The following CA12 variants were observed in gnomAD, a reference collection of about 807,000 sequenced individuals.
The protein encoded by CA12 is carbonic anhydrase 12.
A neutral mutation model predicts 46.8 loss-of-function variants in CA12; 36 were observed. That is an observed-to-expected ratio of 0.77 (90% confidence interval 0.59 to 1.02). The LOEUF is 1.02. Ranked by LOEUF, CA12 falls within the 50% of genes least tolerant of loss-of-function variation. The pLI, the probability that CA12 is intolerant of heterozygous loss-of-function variation, is 0.00. For missense variants in CA12, 436 were observed against 451.4 expected, an observed-to-expected ratio of 0.97 and a Z score of 0.31; for synonymous variants, 202 against 187.0, an observed-to-expected ratio of 1.08 and a Z score of -0.65.
At chr15:63,365,963 A>AC (rs1165443119) in intron 2 of CA12, among the ~76,000 whole-genome samples, 2 of 151,846 alleles carry the variant, frequency 1.3e-5, no homozygotes, top group African/African-American at 4.8e-5. Context: ...ACATGGTGAC[A>AC]CCCCCATCTC....
At position 63,381,728 on chromosome 15, in the gene CA12, G is replaced by C. The variant is rs1595797594; in HGVS notation, c.-8C>G. 1 of 1,577,758 alleles carries C rather than the reference G, an allele frequency of 6.3e-7. No homozygotes were observed. The highest frequency in any genetic ancestry group is 1.4e-5 in the African/African-American group (1 of 73,856). On this transcript the variant is annotated 5_prime_UTR_variant, in exon 1 of 11. Coordinates refer to ENST00000178638, the MANE Select transcript of CA12 (RefSeq NM_001218.5). ...CAGGCTGCGCCGGGGCATCTTCGCG[G>C]GCTCCTGCGGGGCGGGCGCGGGCTG...
chr15:63,341,355 C>A lies in CA12; in HGVS notation c.526-572G>T, dbSNP rs895375334. Among the ~76,000 whole-genome samples the A allele has an allele frequency of 6.6e-6, 1 of 152,334 alleles. No homozygotes were observed. The highest frequency in any genetic ancestry group is 1.5e-5 in the Non-Finnish European group (1 of 68,028). On this transcript the variant is annotated intron_variant, in intron 5 of 10. Coordinates refer to ENST00000178638, the MANE Select transcript of CA12 (RefSeq NM_001218.5). The surrounding 1 kb of genome is among the most constrained non-coding windows in gnomAD (Gnocchi z 5.2). The stretch of plus-strand genomic sequence containing the variant: ...AGGAGGTGAGCAGCGGGCAAGCAAG[C>A]ATTACAGCCTGAGCTCCGCCCCCTG...
intron 2 of CA12, among the ~76,000 whole-genome samples, chr15:63,350,583 T>A (rs2039216895): frequency 6.6e-6 from 1 of 152,216 alleles, no homozygotes; most frequent in Non-Finnish European, 1.5e-5. Context: ...CTTTCCTGTC[T>A]ATGTGTTTTT....
rs2039184952 is a variant in CA12 at position 63,348,585 on chromosome 15, G to C, written c.107-1876C>G. On this transcript the variant is annotated intron_variant, in intron 2 of 10. Coordinates refer to ENST00000178638, the MANE Select transcript of CA12 (RefSeq NM_001218.5). This position sits in a 1 kb window ranked among gnomAD's most constrained non-coding sequence, Gnocchi z 4.6. ...TGGGCCCACAGCCAGCAGGGCGGAAGCTGCCAGCCAGGCATGAATGCAAAA... is the reference window on the plus strand; with the variant it reads ...TGGGCCCACAGCCAGCAGGGCGGAACCTGCCAGCCAGGCATGAATGCAAAA... 6.6e-6 allele frequency among the ~76,000 whole-genome samples: 1 copy of C among 152,246 alleles called. No individual in the cohort carries two copies.
chr15:63,376,293 T>C (rs1276174180), intron 1 of CA12, among the ~76,000 whole-genome samples: 1 of 152,198 alleles, frequency 6.6e-6, no homozygotes, highest in African/African-American at 2.4e-5. Flanking sequence ...AATAATTTCA[T>C]GTGGCTCAAA....
chr15:63,363,070 T>C (rs1034516890), intron 2 of CA12, among the ~76,000 whole-genome samples: 1 of 152,224 alleles, frequency 6.6e-6, no homozygotes, highest in South Asian at 2.1e-4. Context: ...GTAAGAGCCA[T>C]GTCTAGACAA....
At chr15:63,343,795 C>G (rs538620244) in intron 4 of CA12, among the ~76,000 whole-genome samples, 1 of 152,058 alleles carries the variant, frequency 6.6e-6, no homozygotes, top group Non-Finnish European at 1.5e-5. Flanking sequence ...CAATCTACAC[C>G]CTAACCTCCT....
At position 63,346,544 on chromosome 15, in the gene CA12, T is replaced by C; in HGVS notation, c.272A>G (p.Asn91Ser). 6.2e-7 allele frequency: 1 copy of C among 1,614,066 alleles called. No homozygotes were observed. Among genetic ancestry groups the C allele is most frequent in the Middle Eastern group, 1.6e-4 (1 of 6,062 alleles). ...LSANKQFLLT[N>S]NGHSVKLNLP... ...CTCTCCCTCACCTGAATGGCCATTG[T>C]TGGTCAGGAGAAACTGCTTGTTGGC... Residue 91 changes from asparagine to serine, a missense_variant, in exon 3 of 11, where the codon AAC (asparagine) becomes AGC (serine). By Grantham distance (46) the Asn-to-Ser change is conservative (BLOSUM62 1). Transcript: ENST00000178638.
chr15:63,349,559 G>A (rs921466361), intron 2 of CA12, among the ~76,000 whole-genome samples: 2 of 152,142 alleles, frequency 1.3e-5, no homozygotes, highest in East Asian at 3.9e-4. Context: ...TTATATTGTA[G>A]TAGCTTTGAT....
In CA12 at chr15:63,376,731, C is replaced by A. The variant is rs532224301; in HGVS notation, c.86-1053G>T. On this transcript the variant is annotated intron_variant, in intron 1 of 10. Transcript: ENST00000178638. Reference sequence around the variant, plus strand: ...GATCGCAGCTCACTGCAGCCTCAACCTCCTGGGCTCAAGCAATCCTCCCAC... The same window carrying A: ...GATCGCAGCTCACTGCAGCCTCAACATCCTGGGCTCAAGCAATCCTCCCAC... 2.0e-5 allele frequency among the ~76,000 whole-genome samples: 3 copies of A among 152,008 alleles called. No homozygotes were observed. In the South Asian group the frequency reaches 6.2e-4, roughly 32 times the overall value.
intron 8 of CA12, among the ~76,000 whole-genome samples, 178 bp downstream of exon 8, chr15:63,338,641 A>AG (rs907652748): frequency 6.6e-6 from 1 of 152,104 alleles, no homozygotes; most frequent in Non-Finnish European, 1.5e-5. Flanking sequence ...GACTCACTGA[A>AG]GGGGGGACCC....
At position 63,328,274 on chromosome 15, in the gene CA12, CTGA is replaced by C; in HGVS notation, c.875-147_875-145del. 1 of 749,194 alleles carries C rather than the reference CTGA, an allele frequency of 1.3e-6. No homozygotes were observed. Among genetic ancestry groups the C allele is most frequent in the Non-Finnish European group, 2.4e-6 (1 of 419,414 alleles). The allele number at this position is 749,194 out of a possible 1,614,324, so 46.4% of individuals were successfully genotyped here. A position where few individuals can be genotyped will look rare whatever the true frequency, so the allele number is the denominator to read the frequency against. On this transcript the variant is annotated intron_variant, in intron 8 of 10. Transcript: ENST00000178638. This position sits in a 1 kb window ranked among gnomAD's most constrained non-coding sequence, Gnocchi z 5.9. ...TGTCCACCCTTGGCTCAGGGATTGC[CTGA>C]TGAAGTACAGGAAATTGCCCATCTA...
chr15:63,338,649 C>T (rs532342588), intron 8 of CA12, among the ~76,000 whole-genome samples, 170 bp downstream of exon 8: 2 of 152,122 alleles, frequency 1.3e-5, no homozygotes, highest in East Asian at 3.9e-4. Context: ...GAAGGGGGGA[C>T]CCCAGTGAGC....
At chr15:63,346,906 T>C (rs2039157789) in intron 2 of CA12, among the ~76,000 whole-genome samples, 197 bp from the exon 3 acceptor site, 1 of 152,110 alleles carries the variant, frequency 6.6e-6, no homozygotes, top group Non-Finnish European at 1.5e-5. Context: ...TTAAGTGATG[T>C]GGGGAAAGAA....
chr15:63,349,077 A>G (rs73442943), intron 2 of CA12, among the ~76,000 whole-genome samples: 7,979 of 152,226 alleles, frequency 0.052, 306 homozygotes, highest in South Asian at 0.18. Flanking sequence ...ATGAGATTCC[A>G]GCATCAGCTG....
chr15:63,335,391 C>T (rs150385483), intron 8 of CA12, among the ~76,000 whole-genome samples: 4 of 152,162 alleles, frequency 2.6e-5, no homozygotes, highest in African/African-American at 7.2e-5. Context: ...CAAATTGTCC[C>T]AACCTGGCTA....
intron 3 of CA12, 44 bp downstream of exon 3, chr15:63,346,486 G>A: frequency 6.3e-7 from 1 of 1,593,376 alleles, no homozygotes; most frequent in South Asian, 1.1e-5. Flanking sequence ...GCAGCTGAGG[G>A]AGACTCAGAC....
intron 4 of CA12, among the ~76,000 whole-genome samples, chr15:63,342,426 A>G (rs916032228): frequency 1.3e-5 from 2 of 152,238 alleles, no homozygotes; most frequent in African/African-American, 4.8e-5. Context: ...TCTGACTGGC[A>G]ATCGGTTGAG....
intron 2 of CA12, among the ~76,000 whole-genome samples, chr15:63,368,663 C>A (rs2039465100): frequency 6.6e-6 from 1 of 152,222 alleles, no homozygotes; most frequent in South Asian, 2.1e-4. Flanking sequence ...ACCTGAATGC[C>A]CGGGGCTCAA....
Sources: allele counts gnomAD v4.1 joint callset (sites outside exome capture counted in the v4.1 genomes callset), GRCh38; gene constraint gnomAD v4.1.1; non-coding constraint Gnocchi (gnomAD v3.1); transcripts MANE v1.5; gene names NCBI Gene and HGNC (gene_info 2026-07-23, HGNC 2026-07-21).